Variants in RAB36 observed in about 807,000 individuals in gnomAD.
RAB36 encodes RAB36, member RAS oncogene family, also known as ras-related protein Rab-36.
RAB36 carries 33 observed loss-of-function variants against 39.3 expected under a neutral mutation model. The observed-to-expected ratio is 0.84, with a 90% CI of 0.64 to 1.12. RAB36 has a LOEUF of 1.12. Among genes scored for constraint, RAB36 ranks in the 50% most tolerant of loss-of-function variants. The pLI is 0.00. For missense variants in RAB36, 308 were observed against 355.3 expected (o/e 0.87, Z 1.07); for synonymous variants, 133 against 140.2 (o/e 0.95, Z 0.36).
Position 23,162,144 on chromosome 22 carries a change from A to C in RAB36, c.*580A>C. 6.0e-6 allele frequency: 1 copy of C among 166,758 alleles called. No homozygotes were observed. The highest frequency in any genetic ancestry group is 1.3e-5 in the Non-Finnish European group (1 of 76,912). The allele number at this position is 166,758 out of a possible 1,614,324, so 10.3% of individuals were successfully genotyped here. A position where few individuals can be genotyped will look rare whatever the true frequency, so the allele number is the denominator to read the frequency against. On this transcript the variant is annotated 3_prime_UTR_variant, in exon 11 of 11. Coordinates refer to ENST00000263116, the MANE Select transcript of RAB36 (RefSeq NM_004914.5). ...CACTGTCCTTCTGCCACGGATGCTC[A>C]AGGTTCCTGGGCAGACCAGCACCTC...
chr22:23,167,520 G>C (rs956973730), downstream of RAB36, among the ~76,000 whole-genome samples: 1 of 152,064 alleles, frequency 6.6e-6, no homozygotes, highest in African/African-American at 2.4e-5. Flanking sequence ...GGATCCATTC[G>C]ACTCACATTT....
intron 9 of RAB36, 107 bp downstream of exon 9, chr22:23,159,360 C>T (rs1269688207): frequency 1.8e-6 from 2 of 1,102,732 alleles, no homozygotes; most frequent in Admixed American, 2.6e-5. Context: ...CGTCTGTTCC[C>T]TCTGTGGCCC....
At chr22:23,156,522 C>T (rs1400412200) in intron 6 of RAB36, among the ~76,000 whole-genome samples, 1 of 152,166 alleles carries the variant, frequency 6.6e-6, no homozygotes, top group African/African-American at 2.4e-5. Flanking sequence ...GGGCAGGGCT[C>T]ACCGTCAGCA....
chr22:23,152,693 G>A (rs1344297564), intron 4 of RAB36, among the ~76,000 whole-genome samples, 167 bp downstream of exon 4: 1 of 152,218 alleles, frequency 6.6e-6, no homozygotes, highest in Non-Finnish European at 1.5e-5. Flanking sequence ...AAGAAATCGG[G>A]GAGATGGCAG....
chr22:23,166,876 T>C (rs1330155624), downstream of RAB36, among the ~76,000 whole-genome samples: 1 of 151,870 alleles, frequency 6.6e-6, no homozygotes, highest in Admixed American at 6.6e-5. Flanking sequence ...CATCCAGGAG[T>C]GGGGTGCCTC....
intron 7 of RAB36, among the ~76,000 whole-genome samples, chr22:23,158,678 C>T (rs2071600842): frequency 6.6e-6 from 1 of 152,222 alleles, no homozygotes. Context: ...GGGTCTTCAC[C>T]ACCTCCAGCC....
In RAB36 at chr22:23,155,962, T is replaced by TCACAGCTGGGA; in HGVS notation, c.335_345dup. ...CATTTCCCTTTCTTTCTCACCCACC[T>TCACAGCTGGGA]CACAGCTGGGACACAGCTGGGCAGG... On this transcript the variant is annotated splice_region_variant and splice_polypyrimidine_tract_variant and intron_variant, in intron 5 of 10. Transcript: ENST00000263116. 3.1e-6 allele frequency: 5 copies of TCACAGCTGGGA among 1,608,968 alleles called. No individual in the cohort carries two copies. The highest frequency in any genetic ancestry group is 4.2e-6 in the Non-Finnish European group (5 of 1,177,570).
In RAB36 at chr22:23,159,198, T is replaced by C. The variant is rs754011277; in HGVS notation, c.564T>C (p.Ala188=). The C allele has an allele frequency of 1.3e-5, 21 of 1,610,522 alleles. No individual in the cohort carries two copies. The African/African-American group carries it at 2.3e-4, about 17-fold the overall frequency. Residue 188 remains alanine (A), a synonymous_variant, in exon 9 of 11, where the codon GCT becomes GCC. Coordinates refer to ENST00000263116, the MANE Select transcript of RAB36 (RefSeq NM_004914.5). ...CATGTGAGCAGGCCGAAGCAGACGC[T>C]GTGCACCTGGCCAGGGAGATGCAGG... The part of the protein sequence containing the change: ...GAACEQAEAD[A]VHLAREMQAE...
chr22:23,162,960 G>A lies in RAB36; in HGVS notation c.*1396G>A, dbSNP rs2071894156. The A allele has an allele frequency of 1.2e-5, 4 of 335,800 alleles. No homozygotes were observed. The highest frequency in any genetic ancestry group is 9.4e-5 in the South Asian group (4 of 42,528). The allele number at this position is 335,800 out of a possible 1,614,324, so 20.8% of individuals were successfully genotyped here. A position where few individuals can be genotyped will look rare whatever the true frequency, so the allele number is the denominator to read the frequency against. ...GAGTTTCACCCTTGTTGCCCAGGCT[G>A]GAGTGCAATGGCGTAATCTCGGCTC... On this transcript the variant is annotated 3_prime_UTR_variant, in exon 11 of 11. Transcript: ENST00000263116.
At chr22:23,149,730 A>G (rs1284172376) in intron 2 of RAB36, among the ~76,000 whole-genome samples, 1 of 152,182 alleles carries the variant, frequency 6.6e-6, no homozygotes, top group Non-Finnish European at 1.5e-5. Flanking sequence ...TCTTGGCACC[A>G]AAAGAGCTCC....
chr22:23,150,619 T>A (rs1006763947), intron 3 of RAB36, among the ~76,000 whole-genome samples: 1 of 152,162 alleles, frequency 6.6e-6, no homozygotes, highest in Non-Finnish European at 1.5e-5. Context: ...GGGGTTTTCA[T>A]CTGGCTTCAG....
chr22:23,154,670 CATT>C (rs1453211004), intron 5 of RAB36, among the ~76,000 whole-genome samples: 1 of 152,218 alleles, frequency 6.6e-6, no homozygotes, highest in African/African-American at 2.4e-5. Context: ...CTCAGCCTCT[CATT>C]GTCTTACATT....
chr22:23,162,367 T>A lies in RAB36; in HGVS notation c.*803T>A. The A allele has an allele frequency of 3.0e-6, 1 of 336,518 alleles. No homozygotes were observed. The highest frequency in any genetic ancestry group is 5.9e-6 in the Non-Finnish European group (1 of 169,072). The allele number at this position is 336,518 out of a possible 1,614,324, so 20.8% of individuals were successfully genotyped here. A position where few individuals can be genotyped will look rare whatever the true frequency, so the allele number is the denominator to read the frequency against. Reference sequence around the variant, plus strand: ...GGCAGACTGCACAGCTGTCCTAGGGTAACTCACTCTGCAGCCCTTGAACAT... The same window carrying A: ...GGCAGACTGCACAGCTGTCCTAGGGAAACTCACTCTGCAGCCCTTGAACAT... On this transcript the variant is annotated 3_prime_UTR_variant, in exon 11 of 11. Transcript: ENST00000263116.
At position 23,158,040 on chromosome 22, in the gene RAB36, CCA is replaced by C. The variant is rs773582586; in HGVS notation, c.444_445del (p.Arg149AlafsTer33). On this transcript the variant is annotated frameshift_variant and splice_region_variant, in exon 7 of 11. Coordinates refer to ENST00000263116, the MANE Select transcript of RAB36 (RefSeq NM_004914.5). LOFTEE classifies it high-confidence loss of function. ...ACTGACGTGCAGACCCTGGAGCATA[CCA>C]GGTAAGTCTGGGCTCTCTGGCCCCT... 1.5e-5 allele frequency: 24 copies of C among 1,614,138 alleles called. No homozygotes were observed. The East Asian group carries it at 5.1e-4, about 34-fold the overall frequency.
intron 7 of RAB36, 133 bp from the exon 8 acceptor site, chr22:23,158,765 T>C: frequency 1.3e-6 from 1 of 757,346 alleles, no homozygotes; most frequent in South Asian, 1.6e-5. Context: ...GCTCAGCCAG[T>C]GTGGGCCAGG....
At chr22:23,160,844 A>G in intron 9 of RAB36, 35 bp from the exon 10 acceptor site, 2 of 1,601,826 alleles carry the variant, frequency 1.2e-6, no homozygotes, top group Non-Finnish European at 1.7e-6. Context: ...AAGGAGAAAC[A>G]CTGATGAGGT....
intron 5 of RAB36, among the ~76,000 whole-genome samples, chr22:23,154,980 C>T (rs2146545552): frequency 1.3e-5 from 2 of 152,228 alleles, no homozygotes; most frequent in South Asian, 4.1e-4. Flanking sequence ...ACAAAATTAG[C>T]CAGGCACAGT....
chr22:23,163,699 A>G lies in RAB36; in HGVS notation c.*2135A>G, dbSNP rs1273150954. 1 of 151,756 alleles carries G rather than the reference A, an allele frequency of 6.6e-6. No individual in the cohort carries two copies. The highest frequency in any genetic ancestry group is 2.4e-5 in the African/African-American group (1 of 41,346). The allele number at this position is 151,756 out of a possible 1,614,324, so 9.4% of individuals were successfully genotyped here. ...ACACACAGATGGACAGAGAGCAGGA[A>G]AGACTGTTAGCTCTGCTAACAGTCA... is the stretch of plus-strand genomic sequence containing the variant. On this transcript the variant is annotated 3_prime_UTR_variant, in exon 11 of 11. Transcript: ENST00000263116.
At chr22:23,159,014 T>C in intron 8 of RAB36, 35 bp downstream of exon 8, 9 of 1,607,322 alleles carry the variant, frequency 5.6e-6, no homozygotes, top group Non-Finnish European at 7.7e-6. Context: ...TGGGTGGCCC[T>C]TGGGAAAATG....
Sources: allele counts gnomAD v4.1 joint callset (sites outside exome capture counted in the v4.1 genomes callset), GRCh38; gene constraint gnomAD v4.1.1; transcripts MANE v1.5; gene names NCBI Gene and HGNC (gene_info 2026-07-23, HGNC 2026-07-21).